CACNG8: variants seen among roughly 807,000 people sequenced by gnomAD.
CACNG8 encodes the protein voltage-dependent calcium channel gamma-8 subunit.
A neutral mutation model predicts 26.9 loss-of-function variants in CACNG8; 5 were observed. That is an observed-to-expected ratio of 0.19 (90% confidence interval 0.10 to 0.39). The LOEUF (loss-of-function observed/expected upper bound fraction) is 0.39, where lower values mean the gene tolerates loss of function less well. Ranked by LOEUF, CACNG8 falls within the 10% of genes least tolerant of loss-of-function variation. The pLI is 1.00. For synonymous variants in CACNG8, 321 were observed against 296.7 expected (o/e 1.08, Z -0.84); for missense variants, 473 against 609.4 (o/e 0.78, Z 2.36).
intron 1 of CACNG8, among the ~76,000 whole-genome samples, chr19:53,966,326 G>A (rs953659770): frequency 3.3e-5 from 5 of 152,092 alleles, no homozygotes; most frequent in African/African-American, 1.2e-4. Context: ...GACCTCAAGT[G>A]ATTGGCCCGC....
At chr19:53,965,570 A>G (rs564051919) in intron 1 of CACNG8, among the ~76,000 whole-genome samples, 4 of 151,938 alleles carry the variant, frequency 2.6e-5, no homozygotes, top group East Asian at 1.9e-4. Context: ...TCATTCATTC[A>G]TTCGTTCATT....
chr19:53,976,187 A>C (rs1220983489), intron 1 of CACNG8, among the ~76,000 whole-genome samples: 1 of 152,158 alleles, frequency 6.6e-6, no homozygotes, highest in African/African-American at 2.4e-5. Context: ...AACCCTGTCT[A>C]TACAGAAAAT....
chr19:53,978,314 C>G (rs968718378), intron 2 of CACNG8, 85 bp downstream of exon 2: 12 of 1,023,322 alleles, frequency 1.2e-5, no homozygotes, highest in African/African-American at 1.1e-4. Flanking sequence ...GGAAAAGGCA[C>G]TGGGACTCCG....
chr19:53,980,079 T>G, intron 3 of CACNG8, 72 bp downstream of exon 3: 1 of 1,419,594 alleles, frequency 7.0e-7, no homozygotes, highest in Non-Finnish European at 9.4e-7. Flanking sequence ...TGTGTGTGTG[T>G]GTGTGTGCGC....
Position 53,980,049 on chromosome 19 carries a change from G to A in CACNG8, c.508+42G>A, listed in dbSNP as rs1568801610. ...GGGGGCGACCGGGGCGGCCCACCTG[G>A]GCGCGCACGTGTGTGTGTGTGTGTG... On this transcript the variant is annotated intron_variant, in intron 3 of 3. Transcript: ENST00000270458. The A allele has an allele frequency of 3.9e-6, 6 of 1,557,892 alleles. No individual in the cohort carries two copies. The South Asian group carries it at 7.1e-5, about 18-fold the overall frequency.
chr19:53,982,564 C>T lies in CACNG8; in HGVS notation c.993C>T (p.Gly331=), dbSNP rs1343245281. 7 of 1,123,440 alleles carry T rather than the reference C, an allele frequency of 6.2e-6. No individual in the cohort carries two copies. In the South Asian group the frequency reaches 1.6e-4, roughly 26 times the overall value. 69.6% of individuals were successfully genotyped at this position (1,123,440 alleles called of 1,614,324 possible). The change falls in exon 4 of 4, where the codon GGC becomes GGT. Residue 331 remains glycine, a synonymous_variant. Coordinates refer to ENST00000270458, the MANE Select transcript of CACNG8 (RefSeq NM_031895.6). The surrounding 1 kb of genome is among the most constrained non-coding windows in gnomAD (Gnocchi z 8.4). ...CGGGGGCCGGCGGCGGCGGCGGCGG[C>T]GCCGTGGGGGCGTTCGGCGGCGCGG...
intron 3 of CACNG8, among the ~76,000 whole-genome samples, chr19:53,981,271 T>A (rs1215863092): frequency 6.6e-6 from 1 of 152,082 alleles, no homozygotes; most frequent in Non-Finnish European, 1.5e-5. Flanking sequence ...TTTATAACGT[T>A]AAGGGTGGAG....
rs776446067 is a variant in CACNG8, at chr19:53,982,306, C to CGGCGGG, written c.740_745dup (p.Gly247_Gly248dup). On this transcript the variant is annotated inframe_insertion, in exon 4 of 4. Coordinates refer to ENST00000270458, the MANE Select transcript of CACNG8 (RefSeq NM_031895.6). This position sits in a 1 kb window ranked among gnomAD's most constrained non-coding sequence, Gnocchi z 8.4. ...AGTCTCGCTCGGACCTGCTCAAGGCCGGCGGGGGCGCGGGCGGCAGTGGCG... is the reference window on the plus strand; with the variant it reads ...AGTCTCGCTCGGACCTGCTCAAGGCCGGCGGGGGCGGGGGCGCGGGCGGCAGTGGCG... 7 of 1,600,278 alleles carry CGGCGGG rather than the reference C, an allele frequency of 4.4e-6. No individual in the cohort carries two copies. The African/African-American group carries it at 5.4e-5, about 12-fold the overall frequency.
intron 3 of CACNG8, among the ~76,000 whole-genome samples, chr19:53,981,098 A>G (rs2069364423): frequency 6.6e-6 from 1 of 152,088 alleles, no homozygotes; most frequent in South Asian, 2.1e-4. Flanking sequence ...TGCTTTATTA[A>G]AGGCAAATTT....
chr19:53,982,997 C>G lies in CACNG8; in HGVS notation c.*148C>G, dbSNP rs946446999. ...CGCCCCACGCCCACCCTCCCCGCCCCCCTCCCCCTCCGAAGCAGGGACCCC... is the reference window on the plus strand; with the variant it reads ...CGCCCCACGCCCACCCTCCCCGCCCGCCTCCCCCTCCGAAGCAGGGACCCC... On this transcript the variant is annotated 3_prime_UTR_variant, in exon 4 of 4. Transcript: ENST00000270458. The surrounding 1 kb of genome is among the most constrained non-coding windows in gnomAD (Gnocchi z 8.4). 2.5e-6 allele frequency: 1 copy of G among 392,888 alleles called. No individual in the cohort carries two copies. Among genetic ancestry groups the G allele is most frequent in the Non-Finnish European group, 4.0e-6 (1 of 248,720 alleles). The allele number at this position is 392,888 out of a possible 1,614,324, so 24.3% of individuals were successfully genotyped here.
chr19:53,971,753 A>G (rs910920857), intron 1 of CACNG8, among the ~76,000 whole-genome samples: 2 of 152,196 alleles, frequency 1.3e-5, no homozygotes, highest in African/African-American at 4.8e-5. Context: ...TGATGGCCAG[A>G]AAGGGGAAGT....
intron 1 of CACNG8, among the ~76,000 whole-genome samples, chr19:53,965,542 A>C (rs2069267620): frequency 6.6e-6 from 1 of 151,630 alleles, no homozygotes; most frequent in Admixed American, 6.6e-5. Context: ...AGCACGTGGC[A>C]TCTAGTAGGG....
intron 1 of CACNG8, among the ~76,000 whole-genome samples, chr19:53,966,174 G>GAACC (rs2069271576): frequency 6.6e-6 from 1 of 151,932 alleles, no homozygotes; most frequent in Non-Finnish European, 1.5e-5. Context: ...TGCAACTTCG[G>GAACC]CCTCCTGGGT....
Position 53,983,665 on chromosome 19 carries a change from T to C in CACNG8, c.*816T>C, listed in dbSNP as rs1488449842. The C allele has an allele frequency of 2.0e-5, 3 of 152,322 alleles. No homozygotes were observed. 9.4% of individuals were successfully genotyped at this position (152,322 alleles called of 1,614,324 possible). The stretch of plus-strand genomic sequence containing the variant: ...AGGCTATAGGAGAAACGAGATGCTA[T>C]GAAATGCTCCATCAGGGGAGCCTAA... On this transcript the variant is annotated 3_prime_UTR_variant, in exon 4 of 4. Coordinates refer to ENST00000270458, the MANE Select transcript of CACNG8 (RefSeq NM_031895.6).
rs2145946700 is a variant in CACNG8, at chr19:53,989,596, C to T, written c.*6747C>T. On this transcript the variant is annotated 3_prime_UTR_variant, in exon 4 of 4. Coordinates refer to ENST00000270458, the MANE Select transcript of CACNG8 (RefSeq NM_031895.6). ...CCATCTCTGCCTTCAGAGGGGGGGA[C>T]AGGTAGTCCAGACAATTAGAATACA... The T allele has an allele frequency of 6.6e-6, 1 of 152,340 alleles. No individual in the cohort carries two copies. Among genetic ancestry groups the T allele is most frequent in the African/African-American group, 2.4e-5 (1 of 41,566 alleles). The allele number at this position is 152,340 out of a possible 1,614,324, so 9.4% of individuals were successfully genotyped here. A position where few individuals can be genotyped will look rare whatever the true frequency, so the allele number is the denominator to read the frequency against.
chr19:53,980,148 A>AC, intron 3 of CACNG8, 141 bp downstream of exon 3: 3 of 905,600 alleles, frequency 3.3e-6, no homozygotes, highest in Non-Finnish European at 4.6e-6. Flanking sequence ...TGCCCCGAGC[A>AC]CCCCCGGGGG....
intron 3 of CACNG8, 76 bp downstream of exon 3, chr19:53,980,083 T>TACGC (rs2069356052): frequency 5.7e-6 from 7 of 1,226,466 alleles, no homozygotes; most frequent in Non-Finnish European, 6.5e-6. Context: ...TGTGTGTGTG[T>TACGC]GTGCGCGCGC....
rs1351150808 is a variant in CACNG8, at chr19:53,983,270, A to G, written c.*421A>G. ...ACATAGTTACACCCACAAACTATATATATGCCCTATATAAAGAGACACAGC... is the reference window on the plus strand; with the variant it reads ...ACATAGTTACACCCACAAACTATATGTATGCCCTATATAAAGAGACACAGC... On this transcript the variant is annotated 3_prime_UTR_variant, in exon 4 of 4. Transcript: ENST00000270458. The G allele has an allele frequency of 6.6e-6, 1 of 152,414 alleles. No individual in the cohort carries two copies. Among genetic ancestry groups the G allele is most frequent in the Non-Finnish European group, 1.5e-5 (1 of 68,200 alleles). The allele number at this position is 152,414 out of a possible 1,614,324, so 9.4% of individuals were successfully genotyped here. A position where few individuals can be genotyped will look rare whatever the true frequency, so the allele number is the denominator to read the frequency against.
intron 1 of CACNG8, among the ~76,000 whole-genome samples, chr19:53,973,688 A>C (rs901308619): frequency 1.3e-5 from 2 of 151,732 alleles, no homozygotes; most frequent in Non-Finnish European, 2.9e-5. Context: ...TTAGCTGGGC[A>C]TGGTGGCACA....
Sources: allele counts gnomAD v4.1 joint callset (sites outside exome capture counted in the v4.1 genomes callset), GRCh38; gene constraint gnomAD v4.1.1; non-coding constraint Gnocchi (gnomAD v3.1); transcripts MANE v1.5; gene names NCBI Gene and HGNC (gene_info 2026-07-23, HGNC 2026-07-21).